The following PACRG variants were observed in gnomAD, a reference collection of about 807,000 sequenced individuals.
PACRG encodes the protein parkin coregulated.
Under a neutral mutation model 29.7 loss-of-function variants are expected in PACRG, and 29 were observed. The ratio of observed to expected loss-of-function variants is 0.98; its 90% CI spans 0.73 to 1.33. The LOEUF (loss-of-function observed/expected upper bound fraction) is 1.33. PACRG is among the 40% of genes most tolerant of loss of function. The pLI is 0.00. For missense variants in PACRG, 279 were observed against 316.2 expected, an observed-to-expected ratio of 0.88 and a Z score of 0.89; for synonymous variants, 116 against 118.7, an observed-to-expected ratio of 0.98 and a Z score of 0.15.
At chr6:162,927,139 A>C (rs573209660) in intron 2 of PACRG, among the ~76,000 whole-genome samples, 1 of 152,232 alleles carries the variant, frequency 6.6e-6, no homozygotes, top group Non-Finnish European at 1.5e-5. Flanking sequence ...AATTATTAAA[A>C]AGTCAGGAAA....
At chr6:163,182,437 C>T (rs533082748) in intron 4 of PACRG, among the ~76,000 whole-genome samples, 7 of 152,312 alleles carry the variant, frequency 4.6e-5, no homozygotes, top group Admixed American at 1.3e-4. Flanking sequence ...AGATGAGACT[C>T]ATTGTCTTCC....
At chr6:163,233,202 T>C (rs1162349835) in intron 4 of PACRG, among the ~76,000 whole-genome samples, 1 of 152,250 alleles carries the variant, frequency 6.6e-6, no homozygotes, top group Admixed American at 6.5e-5. Context: ...TTTTCTCACC[T>C]ACTTTCATGT....
intron 3 of PACRG, among the ~76,000 whole-genome samples, chr6:163,072,410 T>C (rs1812149425): frequency 6.6e-6 from 1 of 152,128 alleles, no homozygotes; most frequent in Non-Finnish European, 1.5e-5. Flanking sequence ...TTAACATCCC[T>C]TCATGATGAA....
chr6:162,794,560 T>A (rs756602595), intron 1 of PACRG, among the ~76,000 whole-genome samples: 18 of 152,222 alleles, frequency 1.2e-4, no homozygotes, highest in Non-Finnish European at 2.5e-4. Flanking sequence ...TTTTTGTTAA[T>A]TTTCATATGG....
chr6:162,727,193 T>A (rs1228640806), upstream of PACRG: 1 of 157,424 alleles, frequency 6.4e-6, no homozygotes, highest in African/African-American at 2.4e-5. Flanking sequence ...TCCATTAGAG[T>A]TTAATGCTTT....
intron 2 of PACRG, among the ~76,000 whole-genome samples, chr6:162,990,183 A>G (rs1412326201): frequency 6.6e-6 from 1 of 151,472 alleles, no homozygotes; most frequent in Non-Finnish European, 1.5e-5. Context: ...ATTGTGAATA[A>G]TGCTGCAATA....
intron 4 of PACRG, among the ~76,000 whole-genome samples, chr6:163,208,505 A>C (rs920088282): frequency 9.2e-5 from 14 of 152,320 alleles, no homozygotes; most frequent in Non-Finnish European, 8.8e-5. Flanking sequence ...AAGTCCAGAA[A>C]TAAAATAACA....
At chr6:163,213,518 A>T (rs1476259018) in intron 4 of PACRG, among the ~76,000 whole-genome samples, 2 of 152,126 alleles carry the variant, frequency 1.3e-5, no homozygotes, top group East Asian at 3.9e-4. Context: ...TATGTAGGAG[A>T]ATGTCCTTGT....
chr6:163,188,459 CTGACGTGA>C (rs1267172183), intron 4 of PACRG, among the ~76,000 whole-genome samples: 3 of 152,180 alleles, frequency 2.0e-5, no homozygotes, highest in Non-Finnish European at 4.4e-5. Context: ...TGTTAAAATA[CTGACGTGA>C]TGCCTTTGTG....
intron 4 of PACRG, among the ~76,000 whole-genome samples, chr6:163,283,393 A>T (rs1784283249): frequency 6.6e-6 from 1 of 152,266 alleles, no homozygotes; most frequent in Non-Finnish European, 1.5e-5. Context: ...GGAACTAGGG[A>T]TCAAACCTGA....
chr6:163,180,468 A>T (rs1779601304), intron 4 of PACRG, among the ~76,000 whole-genome samples: 1 of 152,264 alleles, frequency 6.6e-6, no homozygotes, highest in East Asian at 1.9e-4. Context: ...ACTGCTAAAA[A>T]GTTTCAATGA....
chr6:163,186,182 G>A (rs1237733865), intron 4 of PACRG, among the ~76,000 whole-genome samples: 1 of 152,120 alleles, frequency 6.6e-6, no homozygotes, highest in Non-Finnish European at 1.5e-5. Context: ...CCTTTTCTCT[G>A]GCAGGCTTTC....
At chr6:163,179,907 A>G (rs902671938) in intron 4 of PACRG, among the ~76,000 whole-genome samples, 3 of 152,132 alleles carry the variant, frequency 2.0e-5, no homozygotes, top group Non-Finnish European at 4.4e-5. Context: ...GAGGCCACAC[A>G]GGCAGGAACC....
intron 4 of PACRG, among the ~76,000 whole-genome samples, chr6:163,288,059 C>A (rs1157070152): frequency 6.6e-6 from 1 of 152,192 alleles, no homozygotes; most frequent in African/African-American, 2.4e-5. Context: ...TCTGTATCAT[C>A]TTTTTAGTTT....
chr6:163,200,738 A>C (rs1780661519), intron 4 of PACRG, among the ~76,000 whole-genome samples: 1 of 152,174 alleles, frequency 6.6e-6, no homozygotes, highest in South Asian at 2.1e-4. Flanking sequence ...TTCTTTTACA[A>C]TCCTTGTTTT....
intron 2 of PACRG, among the ~76,000 whole-genome samples, chr6:162,848,326 GA>G (rs1221867311): frequency 6.6e-6 from 1 of 152,336 alleles, no homozygotes. Context: ...CAGCAGTCAG[GA>G]AAGGAAAAGA....
At chr6:162,772,120 G>A (rs1783269115) in intron 1 of PACRG, among the ~76,000 whole-genome samples, 1 of 152,286 alleles carries the variant, frequency 6.6e-6, no homozygotes, top group African/African-American at 2.4e-5. Flanking sequence ...TGCTTTCCAT[G>A]AATAATGAGT....
chr6:162,866,615 GAAA>G (rs71008117), intron 2 of PACRG, among the ~76,000 whole-genome samples: 2 of 145,154 alleles, frequency 1.4e-5, no homozygotes, highest in African/African-American at 5.0e-5. Context: ...ATACACAGAA[GAAA>G]AAAAAAAATC....
chr6:162,936,722 C>T (rs1406041944), intron 2 of PACRG, among the ~76,000 whole-genome samples: 3 of 151,808 alleles, frequency 2.0e-5, no homozygotes, highest in Non-Finnish European at 4.4e-5. Context: ...TGTTAATAGA[C>T]TGCTTTAACA....
Sources: gnomAD v4.1 joint callset for allele counts (sites outside exome capture counted in the v4.1 genomes callset) on GRCh38, gnomAD v4.1.1 for gene constraint, MANE v1.5 for transcripts, NCBI Gene and HGNC (gene_info 2026-07-23, HGNC 2026-07-21) for gene names.